DACH1: variants seen among roughly 807,000 people sequenced by gnomAD.
DACH1 encodes dachshund family transcription factor 1.
A neutral mutation model predicts 54.2 loss-of-function variants in DACH1; 12 were observed. The observed-to-expected ratio is 0.22, with a 90% CI of 0.14 to 0.36. The LOEUF (loss-of-function observed/expected upper bound fraction) is 0.36. Among genes scored for constraint, DACH1 ranks in the 10% least tolerant of loss-of-function variants. The probability of loss-of-function intolerance (pLI) is 1.00; values close to 1 mark genes in which losing one functional copy is unlikely to be tolerated. For missense variants in DACH1, 805 were observed against 929.8 expected, an observed-to-expected ratio of 0.87 and a Z score of 1.75; for synonymous variants, 386 against 366.2, an observed-to-expected ratio of 1.05 and a Z score of -0.62.
chr13:71,459,136 A>G (rs1424377487), intron 10 of DACH1, among the ~76,000 whole-genome samples: 1 of 151,906 alleles, frequency 6.6e-6, no homozygotes, highest in Non-Finnish European at 1.5e-5. Flanking sequence ...CTAGTTCAAT[A>G]AGTCAAATAT....
chr13:71,550,453 GAC>G (rs1376209807), intron 6 of DACH1, among the ~76,000 whole-genome samples: 1 of 152,102 alleles, frequency 6.6e-6, no homozygotes, highest in East Asian at 1.9e-4. Flanking sequence ...TGTAGGAAAG[GAC>G]AGAGGATGTT....
In DACH1 at chr13:71,438,742, C is replaced by A. The variant is rs923675898; in HGVS notation, c.*1913G>T. On this transcript the variant is annotated 3_prime_UTR_variant, in exon 11 of 11. Coordinates refer to ENST00000613252, the MANE Select transcript of DACH1 (RefSeq NM_080759.6). Reference sequence around the variant, plus strand: ...CCATTCAATTTTAAGTGTTGTAATCCTTTAAAGACTGCATATAGGGAAACA... The same window carrying A: ...CCATTCAATTTTAAGTGTTGTAATCATTTAAAGACTGCATATAGGGAAACA... 2.6e-5 allele frequency: 4 copies of A among 152,380 alleles called. 1 individual carries two copies. The South Asian group carries it at 8.3e-4, about 32-fold the overall frequency. 9.4% of individuals were successfully genotyped at this position (152,380 alleles called of 1,614,324 possible).
chr13:71,511,973 G>GATTTATTCCTAAAATTTATTCCTAAA, intron 6 of DACH1, among the ~76,000 whole-genome samples: 1 of 152,012 alleles, frequency 6.6e-6, no homozygotes, highest in South Asian at 2.1e-4. Flanking sequence ...TTCCCTACAG[G>GATTTATTCCTAAAATTTATTCCTAAA]ATTTATTCCT....
At chr13:71,711,460 A>G (rs998855251) in intron 1 of DACH1, among the ~76,000 whole-genome samples, 2 of 152,162 alleles carry the variant, frequency 1.3e-5, no homozygotes, top group African/African-American at 4.8e-5. Context: ...TTCATAAGTC[A>G]TAAACTACTT....
intron 1 of DACH1, among the ~76,000 whole-genome samples, chr13:71,800,744 C>T (rs2138123079): frequency 6.6e-6 from 1 of 152,154 alleles, no homozygotes; most frequent in Admixed American, 6.6e-5. Flanking sequence ...GATGAAATTG[C>T]TTTATCCAAA....
At chr13:71,802,073 C>T (rs1444365794) in intron 1 of DACH1, among the ~76,000 whole-genome samples, 1 of 152,008 alleles carries the variant, frequency 6.6e-6, no homozygotes, top group Non-Finnish European at 1.5e-5. Flanking sequence ...CTAGGAAGTG[C>T]ACAAATTAGT....
chr13:71,550,577 G>T (rs973764591), intron 6 of DACH1, among the ~76,000 whole-genome samples: 25 of 152,104 alleles, frequency 1.6e-4, no homozygotes, highest in Non-Finnish European at 7.4e-5. Flanking sequence ...TTACAGGGCT[G>T]TTATGAATAT....
chr13:71,589,402 T>C (rs776143047), intron 3 of DACH1, among the ~76,000 whole-genome samples: 1 of 152,062 alleles, frequency 6.6e-6, no homozygotes, highest in Non-Finnish European at 1.5e-5. Flanking sequence ...ATTATTTTTG[T>C]AGTTTTAAAT....
intron 2 of DACH1, among the ~76,000 whole-genome samples, chr13:71,635,021 G>C (rs974787229): frequency 2.0e-4 from 30 of 152,142 alleles, no homozygotes; most frequent in Non-Finnish European, 4.1e-4. Context: ...GCACTAAAAG[G>C]GCAGAAATAC....
intron 10 of DACH1, among the ~76,000 whole-genome samples, chr13:71,469,780 C>T (rs767228095): frequency 6.6e-6 from 1 of 151,934 alleles, no homozygotes; most frequent in African/African-American, 2.4e-5. Context: ...GTTTAGCAAA[C>T]AGAAAGAAGA....
Position 71,760,128 on chromosome 13 carries a change from C to T in DACH1, c.849-78218G>A, listed in dbSNP as rs188481258. On this transcript the variant is annotated intron_variant, in intron 1 of 10. Coordinates refer to ENST00000613252, the MANE Select transcript of DACH1 (RefSeq NM_080759.6). The stretch of plus-strand genomic sequence containing the variant: ...GGCGGCCCCAGGTGCCAATTTACTC[C>T]TCTTAGTTCTTTTCATTCTGTTTGC... Among the ~76,000 whole-genome samples, 7 of 152,320 alleles carry T rather than the reference C, an allele frequency of 4.6e-5. No individual in the cohort carries two copies. In the East Asian group the frequency reaches 1.4e-3, roughly 29 times the overall value.
intron 1 of DACH1, among the ~76,000 whole-genome samples, chr13:71,848,247 C>T (rs36097547): frequency 0.023 from 3,519 of 152,080 alleles, 75 homozygotes; most frequent in Non-Finnish European, 0.033. Flanking sequence ...TATGCTATGA[C>T]TATGTTTGTC....
chr13:71,756,255 G>A (rs1473400898), intron 1 of DACH1, among the ~76,000 whole-genome samples: 1 of 151,724 alleles, frequency 6.6e-6, no homozygotes, highest in Admixed American at 6.6e-5. Flanking sequence ...GTGTTAGCCA[G>A]GATGGTCTTG....
intron 4 of DACH1, among the ~76,000 whole-genome samples, chr13:71,564,493 T>C (rs1055497753): frequency 3.4e-5 from 5 of 148,374 alleles, no homozygotes; most frequent in African/African-American, 1.2e-4. Flanking sequence ...AAAAAGGTCA[T>C]ACTAATAAAC....
At chr13:71,720,162 C>T (rs1269732510) in intron 1 of DACH1, among the ~76,000 whole-genome samples, 4 of 152,108 alleles carry the variant, frequency 2.6e-5, no homozygotes, top group Non-Finnish European at 5.9e-5. Flanking sequence ...GAAAATGTCT[C>T]AGCAAATGGA....
rs1480389257 is a variant in DACH1 at position 71,559,953 on chromosome 13, C to G, written c.1302G>C (p.Glu434Asp). The change falls in exon 5 of 11, where the codon GAG (glutamate) becomes GAC (aspartate). Residue 434 changes from glutamate (E) to aspartate (D), a missense_variant and splice_region_variant. Glu to Asp is a conservative substitution (Grantham distance 45, BLOSUM62 2). Around this residue, in one of 3 missense-constraint regions of DACH1, gnomAD observed 472 missense variants for 545.3 expected, o/e 0.87. Transcript: ENST00000613252. ...CAGGTGAGGGGCTATCAGGAACACG[C>G]TCCTGCACCAGCAAGAGAGGGAAGG... is the stretch of plus-strand genomic sequence containing the variant. ...PSRVETSVIK[E>D]RVPDSPSPAP... 1 of 1,545,286 alleles carries G rather than the reference C, an allele frequency of 6.5e-7. No individual in the cohort carries two copies. Among genetic ancestry groups the G allele is most frequent in the South Asian group, 1.2e-5 (1 of 81,156 alleles).
intron 1 of DACH1, among the ~76,000 whole-genome samples, chr13:71,691,608 G>A (rs1334064225): frequency 4.0e-5 from 6 of 151,388 alleles, no homozygotes; most frequent in African/African-American, 9.7e-5. Context: ...CATATTAAAA[G>A]TAATAGAGTC....
chr13:71,798,913 C>T (rs923309904), intron 1 of DACH1, among the ~76,000 whole-genome samples: 2 of 151,984 alleles, frequency 1.3e-5, no homozygotes, highest in Non-Finnish European at 2.9e-5. Context: ...AACTTCGCTC[C>T]CCCAGGCCTC....
chr13:71,573,090 A>G (rs977368817), intron 3 of DACH1, 78 bp from the exon 4 acceptor site: 20 of 1,393,894 alleles, frequency 1.4e-5, no homozygotes, highest in Non-Finnish European at 1.6e-5. Context: ...AAAGTTTTCT[A>G]ATAATGGTAG....
Sources: gnomAD v4.1 joint callset for allele counts (sites outside exome capture counted in the v4.1 genomes callset) on GRCh38, gnomAD v4.1.1 for gene constraint, gnomAD v4.1.1 regional missense constraint, MANE v1.5 for transcripts, NCBI Gene and HGNC (gene_info 2026-07-23, HGNC 2026-07-21) for gene names.